Variants in WASF3 observed in about 807,000 individuals in gnomAD.
WASF3 encodes actin-binding protein WASF3.
In WASF3, 11 loss-of-function variants were observed where a neutral mutation model predicts 46.6. The observed-to-expected ratio is 0.24, with a 90% CI of 0.15 to 0.39. The LOEUF is 0.39. Among genes scored for constraint, WASF3 ranks in the 10% least tolerant of loss-of-function variants. The pLI is 1.00. For missense variants in WASF3, 576 were observed against 669.8 expected (o/e 0.86, Z 1.55); for synonymous variants, 242 against 259.7 (o/e 0.93, Z 0.65).
the WASF3 span, among the ~76,000 whole-genome samples, chr13:26,543,295 T>C: frequency 3.9e-5 from 6 of 152,330 alleles, no homozygotes; most frequent in Admixed American, 3.3e-4. Flanking sequence ...GATGGGTAGA[T>C]GTCTGCTGAG....
intron 1 of WASF3, among the ~76,000 whole-genome samples, chr13:26,573,281 G>A (rs1879694017): frequency 6.6e-6 from 1 of 152,018 alleles, no homozygotes; most frequent in Non-Finnish European, 1.5e-5. Context: ...GTACTTTCCT[G>A]TGATTAATAT....
intron 5 of WASF3, among the ~76,000 whole-genome samples, chr13:26,669,037 G>GA (rs1197758231): frequency 1.3e-5 from 2 of 151,196 alleles, no homozygotes; most frequent in African/African-American, 2.4e-5. Flanking sequence ...CTGTTCTAAG[G>GA]AAAAAAAATC....
intron 1 of WASF3, among the ~76,000 whole-genome samples, chr13:26,586,930 T>C (rs1029832189): frequency 6.6e-6 from 1 of 151,870 alleles, no homozygotes; most frequent in African/African-American, 2.4e-5. Context: ...GGCGAAACCC[T>C]GTCTTTACCA....
At position 26,630,528 on chromosome 13, in the gene WASF3, A is replaced by G. The variant is rs780204444; in HGVS notation, c.-10-11733A>G. Among the ~76,000 whole-genome samples the G allele has an allele frequency of 2.0e-5, 3 of 152,186 alleles. No homozygotes were observed. The East Asian group carries it at 5.8e-4, about 29-fold the overall frequency. On this transcript the variant is annotated intron_variant, in intron 2 of 9. Coordinates refer to ENST00000335327, the MANE Select transcript of WASF3 (RefSeq NM_006646.6). ...GGCTGCACAGTATTCCATGGTTTAT[A>G]TATGTCACATTTTCTTAATCCAGTC...
chr13:26,653,858 A>G (rs1436242391), intron 3 of WASF3, among the ~76,000 whole-genome samples: 1 of 152,120 alleles, frequency 6.6e-6, no homozygotes, highest in African/African-American at 2.4e-5. Flanking sequence ...TTGGATTTCT[A>G]ATAGGTATCT....
At chr13:26,635,803 T>C (rs1333328478) in intron 2 of WASF3, among the ~76,000 whole-genome samples, 2 of 152,250 alleles carry the variant, frequency 1.3e-5, no homozygotes, top group South Asian at 4.1e-4. Flanking sequence ...CGTGTTTGCC[T>C]AGGTATCACC....
intron 9 of WASF3, among the ~76,000 whole-genome samples, chr13:26,683,432 C>T (rs1369928506): frequency 3.3e-5 from 5 of 151,564 alleles, no homozygotes; most frequent in East Asian, 1.9e-4. Context: ...GCCGTGGTCA[C>T]GCCCCTGCAC....
chr13:26,687,200 T>G lies in WASF3; in HGVS notation c.*1355T>G, dbSNP rs908649648. 2.0e-5 allele frequency: 3 copies of G among 152,242 alleles called. No homozygotes were observed. The highest frequency in any genetic ancestry group is 6.5e-5 in the Admixed American group (1 of 15,294). 9.4% of individuals were successfully genotyped at this position (152,242 alleles called of 1,614,324 possible). A position where few individuals can be genotyped will look rare whatever the true frequency, so the allele number is the denominator to read the frequency against. On this transcript the variant is annotated 3_prime_UTR_variant, in exon 10 of 10. Transcript: ENST00000335327. ...TGTTGAACAAACAGGTGCTCCAGGCTTTGATTATAGATACGACTTCAAAAA... is the reference window on the plus strand; with the variant it reads ...TGTTGAACAAACAGGTGCTCCAGGCGTTGATTATAGATACGACTTCAAAAA...
chr13:26,560,118 C>T (rs1203807543), intron 1 of WASF3, among the ~76,000 whole-genome samples: 3 of 151,840 alleles, frequency 2.0e-5, no homozygotes, highest in Non-Finnish European at 2.9e-5. Flanking sequence ...CGCTCCCGGC[C>T]GAATCTCTCA....
intron 3 of WASF3, among the ~76,000 whole-genome samples, chr13:26,651,577 A>C (rs1048402924): frequency 1.3e-5 from 2 of 152,202 alleles, no homozygotes; most frequent in African/African-American, 4.8e-5. Context: ...TGTTCAGACA[A>C]AAGTCTCAGA....
rs545411753 is a variant in WASF3 at position 26,688,386 on chromosome 13, A to G, written c.*2541A>G. On this transcript the variant is annotated 3_prime_UTR_variant, in exon 10 of 10. Coordinates refer to ENST00000335327, the MANE Select transcript of WASF3 (RefSeq NM_006646.6). ...AAGGTAATTTTAAATTGTCCCTCGT[A>G]TTATTTCTCCACGTCTGTTTTAGTT... The G allele has an allele frequency of 1.3e-5, 2 of 152,264 alleles. No homozygotes were observed. Among genetic ancestry groups the G allele is most frequent in the East Asian group, 3.9e-4 (2 of 5,184 alleles). The allele number at this position is 152,264 out of a possible 1,614,324, so 9.4% of individuals were successfully genotyped here. A position where few individuals can be genotyped will look rare whatever the true frequency, so the allele number is the denominator to read the frequency against.
intron 1 of WASF3, among the ~76,000 whole-genome samples, chr13:26,596,365 TTC>T (rs1242139789): frequency 6.6e-6 from 1 of 151,822 alleles, no homozygotes; most frequent in East Asian, 1.9e-4. Flanking sequence ...GTTTTGAGAG[TTC>T]TCTCTCTAGT....
intron 6 of WASF3, 82 bp from the exon 7 acceptor site, chr13:26,676,467 T>C: frequency 6.8e-7 from 1 of 1,474,508 alleles, no homozygotes; most frequent in Admixed American, 2.0e-5. Flanking sequence ...GGCATGGGCC[T>C]TGTGCATTAT....
chr13:26,557,994 G>A, intron 1 of WASF3, among the ~76,000 whole-genome samples, 175 bp downstream of exon 1: 1 of 150,744 alleles, frequency 6.6e-6, no homozygotes, highest in East Asian at 1.9e-4. Context: ...GCCGCCTCGC[G>A]CCTATCCCTG....
intron 1 of WASF3, among the ~76,000 whole-genome samples, chr13:26,560,398 T>C (rs1210994381): frequency 2.0e-5 from 3 of 152,252 alleles, no homozygotes; most frequent in African/African-American, 7.2e-5. Flanking sequence ...TCCCGTCTTA[T>C]TGTTGTCCTA....
intron 3 of WASF3, among the ~76,000 whole-genome samples, chr13:26,649,615 C>A (rs975160683): frequency 1.1e-4 from 16 of 152,178 alleles, no homozygotes; most frequent in African/African-American, 3.1e-4. Flanking sequence ...TGGTGAGTTG[C>A]TGGAGGCTCA....
chr13:26,567,920 C>T (rs1879520034), intron 1 of WASF3, among the ~76,000 whole-genome samples: 1 of 151,994 alleles, frequency 6.6e-6, no homozygotes. Flanking sequence ...TGTGAGATGA[C>T]ATTTGAGCAG....
chr13:26,656,872 C>T lies in WASF3; in HGVS notation c.134-8156C>T, dbSNP rs145634489. ...GAAAAAGACTACATCAAGAAAAAAA[C>T]GAGATCATACTAATTAAAGAAATAA... On this transcript the variant is annotated intron_variant, in intron 3 of 9. Coordinates refer to ENST00000335327, the MANE Select transcript of WASF3 (RefSeq NM_006646.6). Among the ~76,000 whole-genome samples, 14 of 151,970 alleles carry T rather than the reference C, an allele frequency of 9.2e-5. No individual in the cohort carries two copies. The East Asian group carries it at 2.1e-3, about 23-fold the overall frequency.
At chr13:26,609,246 A>T (rs1343162793) in intron 1 of WASF3, among the ~76,000 whole-genome samples, 2 of 152,144 alleles carry the variant, frequency 1.3e-5, no homozygotes, top group African/African-American at 4.8e-5. Context: ...ACTAGGGAAA[A>T]TTTTATTATC....
Sources: gnomAD v4.1 joint callset for allele counts (sites outside exome capture counted in the v4.1 genomes callset) on GRCh38, gnomAD v4.1.1 for gene constraint, MANE v1.5 for transcripts, NCBI Gene and HGNC (gene_info 2026-07-23, HGNC 2026-07-21) for gene names.